Variants in TTC27 observed in about 807,000 individuals in gnomAD.
TTC27 encodes tetratricopeptide repeat domain 27.
A neutral mutation model predicts 115.9 loss-of-function variants in TTC27; 79 were observed. The observed-to-expected ratio is 0.68, with a 90% CI of 0.57 to 0.82. The LOEUF (loss-of-function observed/expected upper bound fraction) is 0.82. Ranked by LOEUF, TTC27 falls within the 40% of genes least tolerant of loss-of-function variation. The probability of loss-of-function intolerance (pLI) is 0.00; values close to 1 mark genes in which losing one functional copy is unlikely to be tolerated. For missense variants in TTC27, 1,054 were observed against 993.1 expected, an observed-to-expected ratio of 1.06 and a Z score of -0.82; for synonymous variants, 401 against 356.0, an observed-to-expected ratio of 1.13 and a Z score of -1.42.
chr2:32,646,858 C>T (rs1415199204), intron 4 of TTC27, among the ~76,000 whole-genome samples: 2 of 151,712 alleles, frequency 1.3e-5, no homozygotes, highest in African/African-American at 4.8e-5. Context: ...CCACCGCGCC[C>T]GGCCTCTATA....
At chr2:32,723,716 C>G (rs991119357) in intron 10 of TTC27, among the ~76,000 whole-genome samples, 1 of 48,586 alleles carries the variant, frequency 2.1e-5, no homozygotes, top group Non-Finnish European at 4.3e-5. Context: ...CCCTCCCTCC[C>G]TCCCTCCCTC....
chr2:32,719,048 T>C (rs1667840100), intron 10 of TTC27, among the ~76,000 whole-genome samples: 1 of 152,080 alleles, frequency 6.6e-6, no homozygotes, highest in African/African-American at 2.4e-5. Context: ...AGGATCAAGA[T>C]CCCAAGTGAA....
At chr2:32,817,605 C>T in intron 19 of TTC27, 48 bp downstream of exon 19, 4 of 1,485,324 alleles carry the variant, frequency 2.7e-6, no homozygotes, top group Non-Finnish European at 3.8e-6. Context: ...AGAAAAAGGT[C>T]ATTAGTATCA....
intron 5 of TTC27, among the ~76,000 whole-genome samples, chr2:32,654,655 T>C (rs969669481): frequency 1.3e-5 from 2 of 151,954 alleles, no homozygotes; most frequent in Admixed American, 6.6e-5. Context: ...CTTAGCCTTC[T>C]GAATGGGTGG....
intron 7 of TTC27, among the ~76,000 whole-genome samples, chr2:32,668,476 A>T (rs1345530445): frequency 6.6e-6 from 1 of 151,312 alleles, no homozygotes; most frequent in Non-Finnish European, 1.5e-5. Flanking sequence ...TTAATACAGA[A>T]TTTTAATCGT....
In TTC27 at chr2:32,713,453, T is replaced by G. The variant is rs917792800; in HGVS notation, c.1233+10533T>G. Among the ~76,000 whole-genome samples, 55 of 152,230 alleles carry G rather than the reference T, an allele frequency of 3.6e-4. 2 individuals are homozygous for G. Among genetic ancestry groups the G allele is most frequent in the African/African-American group, 1.3e-3 (53 of 41,464 alleles). Reference sequence around the variant, plus strand: ...TCAGTCTTTGGAGATCAATGTTAGATTGTTTTATGTTTATTACTGAAATAA... The same window carrying G: ...TCAGTCTTTGGAGATCAATGTTAGAGTGTTTTATGTTTATTACTGAAATAA... On this transcript the variant is annotated intron_variant, in intron 10 of 19. Coordinates refer to ENST00000317907, the MANE Select transcript of TTC27 (RefSeq NM_017735.5).
intron 10 of TTC27, among the ~76,000 whole-genome samples, chr2:32,726,254 A>G (rs1668105720): frequency 6.6e-6 from 1 of 152,050 alleles, no homozygotes; most frequent in Admixed American, 6.6e-5. Context: ...AGAAAATGGG[A>G]TTTTCTTTTC....
Position 32,628,240 on chromosome 2 carries a change from C to G in TTC27, c.-53C>G. 6.5e-7 allele frequency: 1 copy of G among 1,539,698 alleles called. No individual in the cohort carries two copies. Among genetic ancestry groups the G allele is most frequent in the Middle Eastern group, 1.7e-4 (1 of 5,866 alleles). ...TCCTGTTTTCACTTTCTTTTGTTGA[C>G]TCCCGTGTGGCCCTCGTGGGAGCCT... On this transcript the variant is annotated 5_prime_UTR_variant, in exon 1 of 20. Transcript: ENST00000317907.
chr2:32,735,866 A>T (rs761216804), intron 11 of TTC27, among the ~76,000 whole-genome samples: 3 of 151,956 alleles, frequency 2.0e-5, no homozygotes, highest in Non-Finnish European at 4.4e-5. Flanking sequence ...GATCATTCTC[A>T]TTATTTATTT....
At chr2:32,633,130 A>G (rs761587694) in intron 2 of TTC27, among the ~76,000 whole-genome samples, 5 of 152,206 alleles carry the variant, frequency 3.3e-5, no homozygotes, top group African/African-American at 7.2e-5. Context: ...TCAGTTTTCT[A>G]TACATCTTGC....
At chr2:32,736,341 T>C (rs189357942) in intron 11 of TTC27, among the ~76,000 whole-genome samples, 1 of 152,146 alleles carries the variant, frequency 6.6e-6, no homozygotes, top group African/African-American at 2.4e-5. Flanking sequence ...GTTTTAAAAA[T>C]TAATTTATTG....
intron 16 of TTC27, among the ~76,000 whole-genome samples, chr2:32,805,338 C>T (rs974075910): frequency 1.3e-5 from 2 of 152,238 alleles, no homozygotes; most frequent in Non-Finnish European, 2.9e-5. Context: ...TTCATCTCCT[C>T]ATCCTTATCT....
At chr2:32,722,019 T>C (rs1667949179) in intron 10 of TTC27, among the ~76,000 whole-genome samples, 1 of 152,196 alleles carries the variant, frequency 6.6e-6, no homozygotes, top group Non-Finnish European at 1.5e-5. Flanking sequence ...TGGTACATAG[T>C]CAATCTTCAA....
chr2:32,777,739 A>G (rs535183407), intron 13 of TTC27, 143 bp from the exon 14 acceptor site: 189 of 733,616 alleles, frequency 2.6e-4, no homozygotes, highest in Non-Finnish European at 3.9e-4. Flanking sequence ...TCTACATTTA[A>G]ACTAAATGTA....
At chr2:32,638,156 C>A (rs752536676) in intron 3 of TTC27, among the ~76,000 whole-genome samples, 2 of 152,128 alleles carry the variant, frequency 1.3e-5, no homozygotes, top group Non-Finnish European at 2.9e-5. Flanking sequence ...TCTGTTTCCT[C>A]ACCTCTAAAA....
At chr2:32,709,241 C>T (rs959687979) in intron 10 of TTC27, among the ~76,000 whole-genome samples, 8 of 152,094 alleles carry the variant, frequency 5.3e-5, no homozygotes, top group Admixed American at 2.0e-4. Context: ...TAACTGTGAG[C>T]TGGACTTAAT....
chr2:32,818,572 C>T (rs1671583587), intron 19 of TTC27, among the ~76,000 whole-genome samples: 1 of 152,130 alleles, frequency 6.6e-6, no homozygotes, highest in Admixed American at 6.5e-5. Context: ...TGGGATGGAC[C>T]CAGGAAATCT....
chr2:32,649,237 G>A (rs553392317), intron 4 of TTC27, among the ~76,000 whole-genome samples: 2 of 152,188 alleles, frequency 1.3e-5, no homozygotes, highest in Non-Finnish European at 2.9e-5. Context: ...TCAGATTGGG[G>A]GAACATCTGA....
Position 32,630,633 on chromosome 2 carries a change from G to A in TTC27, c.199G>A (p.Asp67Asn), listed in dbSNP as rs758810994. 6.2e-6 allele frequency: 10 copies of A among 1,613,784 alleles called. No individual in the cohort carries two copies. The highest frequency in any genetic ancestry group is 1.6e-4 in the Middle Eastern group (1 of 6,064). Residue 67 changes from aspartate (D) to asparagine (N), a missense_variant, in exon 2 of 20, where the codon GAT becomes AAT. Transcript: ENST00000317907. ...AACAACAACCGCTGAAGAAAAGATT[G>A]ATAGCTACCTGGAGAAGCAGGTAGT... The part of the protein sequence containing the change: ...NSTTTAEEKI[D>N]SYLEKQVVTF...
Sources: gnomAD v4.1 joint callset for allele counts (sites outside exome capture counted in the v4.1 genomes callset) on GRCh38, gnomAD v4.1.1 for gene constraint, MANE v1.5 for transcripts, NCBI Gene and HGNC (gene_info 2026-07-23, HGNC 2026-07-21) for gene names.